ERI3: variants seen among roughly 807,000 people sequenced by gnomAD.
ERI3 encodes the protein ERI1 exoribonuclease family member 3.
A neutral mutation model predicts 44.4 loss-of-function variants in ERI3; 18 were observed. The ratio of observed to expected loss-of-function variants is 0.41; its 90% CI spans 0.28 to 0.60. The LOEUF (loss-of-function observed/expected upper bound fraction) is 0.60. Ranked by LOEUF, ERI3 falls within the 20% of genes least tolerant of loss-of-function variation. The pLI is 0.36. For missense variants in ERI3, 294 were observed against 435.5 expected, an observed-to-expected ratio of 0.68 and a Z score of 2.89; for synonymous variants, 183 against 164.8, an observed-to-expected ratio of 1.11 and a Z score of -0.84.
rs999014006 is a variant in ERI3, at chr1:44,319,718, C to T, written c.516G>A (p.Lys172=). The change falls in exon 4 of 9, where the codon AAG becomes AAA. Residue 172 remains lysine (K), a synonymous_variant. Transcript: ENST00000372257. The part of the protein sequence containing the change: ...PQEIIEFPIL[K]LNGRTMEIES... ...CAATCTCCATGGTCCGGCCATTTAG[C>T]TTTAGGATGGGGAACTCGATGATTT... 1.2e-6 allele frequency: 2 copies of T among 1,614,096 alleles called. No individual in the cohort carries two copies. The highest frequency in any genetic ancestry group is 1.7e-6 in the Non-Finnish European group (2 of 1,179,942).
chr1:44,355,245 A>G lies in ERI3; in HGVS notation c.-219T>C, dbSNP rs1182653357. ...GCGGCAGCCAGCACCACGAGTCCACAACACACCGACTCACCTCCGCGCACT... is the reference window on the plus strand; with the variant it reads ...GCGGCAGCCAGCACCACGAGTCCACGACACACCGACTCACCTCCGCGCACT... On this transcript the variant is annotated 5_prime_UTR_variant, in exon 1 of 9. Coordinates refer to ENST00000372257, the MANE Select transcript of ERI3 (RefSeq NM_024066.3). 1.7e-6 allele frequency: 2 copies of G among 1,172,400 alleles called. No homozygotes were observed. The highest frequency in any genetic ancestry group is 2.1e-6 in the Non-Finnish European group (2 of 950,194). 72.6% of individuals were successfully genotyped at this position (1,172,400 alleles called of 1,614,324 possible). A position where few individuals can be genotyped will look rare whatever the true frequency, so the allele number is the denominator to read the frequency against.
rs372090718 is a variant in ERI3, at chr1:44,339,340, TAAAAAAAA to T, written c.212-26_212-19del. The stretch of plus-strand genomic sequence containing the variant: ...ATCTAAAACTTAGGGGAGGAAAGTT[TAAAAAAAA>T]AAAAAAAAAAGAAAAGAAAGAAAAA... On this transcript the variant is annotated intron_variant, in intron 2 of 8. Coordinates refer to ENST00000372257, the MANE Select transcript of ERI3 (RefSeq NM_024066.3). 18 of 976,762 alleles carry T rather than the reference TAAAAAAAA, an allele frequency of 1.8e-5. No homozygotes were observed. The African/African-American group carries it at 2.9e-4, about 16-fold the overall frequency. 60.5% of individuals were successfully genotyped at this position (976,762 alleles called of 1,614,324 possible). A position where few individuals can be genotyped will look rare whatever the true frequency, so the allele number is the denominator to read the frequency against.
chr1:44,333,989 G>A (rs757815769), intron 3 of ERI3, among the ~76,000 whole-genome samples: 6 of 152,164 alleles, frequency 3.9e-5, no homozygotes, highest in East Asian at 3.8e-4. Flanking sequence ...AACCCCAAAC[G>A]TCATTTTTCT....
intron 2 of ERI3, among the ~76,000 whole-genome samples, chr1:44,345,831 A>G (rs989065650): frequency 7.2e-5 from 11 of 152,232 alleles, no homozygotes; most frequent in African/African-American, 2.7e-4. Context: ...AAATGAGATT[A>G]GAAAGAGAAA....
At chr1:44,322,815 C>A in intron 3 of ERI3, 1 of 1,550,174 alleles carries the variant, frequency 6.5e-7, no homozygotes, top group Non-Finnish European at 8.7e-7. Context: ...GTGCCCCAAT[C>A]TGCACCAAGT....
At chr1:44,308,824 A>G (rs1216014622) in intron 5 of ERI3, among the ~76,000 whole-genome samples, 2 of 152,146 alleles carry the variant, frequency 1.3e-5, no homozygotes, top group African/African-American at 4.8e-5. Context: ...TCATTCATTT[A>G]TTTGTTTTAC....
intron 3 of ERI3, among the ~76,000 whole-genome samples, chr1:44,328,847 G>C (rs562736437): frequency 6.6e-6 from 1 of 152,090 alleles, no homozygotes; most frequent in Non-Finnish European, 1.5e-5. Flanking sequence ...TTAAGCACCC[G>C]AGTCAAGCCC....
chr1:44,250,552 C>T lies in ERI3; in HGVS notation c.832-2514G>A, dbSNP rs995678649. Among the ~76,000 whole-genome samples the T allele has an allele frequency of 3.9e-5, 6 of 152,302 alleles. 1 individual carries two copies. The South Asian group carries it at 1.2e-3, about 32-fold the overall frequency. On this transcript the variant is annotated intron_variant, in intron 7 of 8. Transcript: ENST00000372257. ...GCGAAGGTGCCAGGAAAGGAGGCAA[C>T]CCGGTCCCGCCTGACAGATGCCTTT...
chr1:44,314,405 A>G lies in ERI3; in HGVS notation c.607-1177T>C, dbSNP rs538034880. Among the ~76,000 whole-genome samples the G allele has an allele frequency of 5.3e-5, 8 of 152,290 alleles. No homozygotes were observed. In the South Asian group the frequency reaches 1.5e-3, roughly 28 times the overall value. On this transcript the variant is annotated intron_variant, in intron 4 of 8. Coordinates refer to ENST00000372257, the MANE Select transcript of ERI3 (RefSeq NM_024066.3). ...GGAAGTGTAAGGACACAGCCACTCT[A>G]TTTTATATTCCAGAAACTGTTTTTA...
rs187205187 is a variant in ERI3, at chr1:44,333,452, A to G, written c.489+5593T>C. ...CATCCCTCCCCACTGGAGGAGCTAC[A>G]ACCAGGACAAGCACATGGGAAGGGA... is the stretch of plus-strand genomic sequence containing the variant. On this transcript the variant is annotated intron_variant, in intron 3 of 8. Coordinates refer to ENST00000372257, the MANE Select transcript of ERI3 (RefSeq NM_024066.3). Among the ~76,000 whole-genome samples, 4 of 152,330 alleles carry G rather than the reference A, an allele frequency of 2.6e-5. 1 individual carries two copies. In the East Asian group the frequency reaches 7.7e-4, roughly 29 times the overall value.
chr1:44,303,963 C>G (rs1031935825), intron 6 of ERI3, among the ~76,000 whole-genome samples: 7 of 152,124 alleles, frequency 4.6e-5, no homozygotes, highest in Non-Finnish European at 1.0e-4. Context: ...TCTGAGAAAC[C>G]TCTGGGAGGC....
At chr1:44,277,105 T>TC (rs1645194320) in intron 7 of ERI3, among the ~76,000 whole-genome samples, 1 of 152,198 alleles carries the variant, frequency 6.6e-6, no homozygotes. Context: ...CTCATCTGTT[T>TC]CACACAGAAA....
chr1:44,228,080 C>T lies in ERI3; in HGVS notation c.932-6440G>A, dbSNP rs368713732. Among the ~76,000 whole-genome samples, 34 of 151,892 alleles carry T rather than the reference C, an allele frequency of 2.2e-4. No individual in the cohort carries two copies. Among genetic ancestry groups the T allele is most frequent in the African/African-American group, 5.8e-4 (24 of 41,318 alleles). Reference sequence around the variant, plus strand: ...CAGACATGGCCTACACAGTCCCCTGCGCCCCCATTCACGGCCACCTTGGCC... The same window carrying T: ...CAGACATGGCCTACACAGTCCCCTGTGCCCCCATTCACGGCCACCTTGGCC... On this transcript the variant is annotated intron_variant, in intron 8 of 8. Coordinates refer to ENST00000372257, the MANE Select transcript of ERI3 (RefSeq NM_024066.3). The surrounding 1 kb of genome is among the most constrained non-coding windows in gnomAD (Gnocchi z 4.3).
intron 2 of ERI3, among the ~76,000 whole-genome samples, chr1:44,346,342 C>G (rs150483120): frequency 2.9e-4 from 44 of 152,368 alleles, no homozygotes; most frequent in African/African-American, 1.0e-3. Flanking sequence ...TCCCCTTCAA[C>G]TGGTCTGTTT....
chr1:44,266,949 C>T (rs1017926172), intron 7 of ERI3, among the ~76,000 whole-genome samples: 6 of 152,294 alleles, frequency 3.9e-5, no homozygotes, highest in Non-Finnish European at 7.4e-5. Flanking sequence ...TAGATAGGCT[C>T]GTCCTGAACA....
intron 7 of ERI3, among the ~76,000 whole-genome samples, chr1:44,262,189 C>T (rs1010241048): frequency 6.6e-6 from 1 of 152,138 alleles, no homozygotes; most frequent in South Asian, 2.1e-4. Flanking sequence ...CCCACTGGGC[C>T]CAGCCCCACC....
chr1:44,346,830 T>C (rs902222339), intron 2 of ERI3, among the ~76,000 whole-genome samples: 5 of 152,140 alleles, frequency 3.3e-5, no homozygotes, highest in African/African-American at 1.2e-4. Context: ...ACCTATGTCT[T>C]TGGGATTCAA....
intron 8 of ERI3, among the ~76,000 whole-genome samples, chr1:44,240,810 G>C (rs1233072730): frequency 6.6e-6 from 1 of 152,116 alleles, no homozygotes; most frequent in Non-Finnish European, 1.5e-5. Flanking sequence ...AGGATGGGAG[G>C]AGCTAAGAGG....
chr1:44,331,662 T>C (rs1437979344), intron 3 of ERI3, among the ~76,000 whole-genome samples: 1 of 152,196 alleles, frequency 6.6e-6, no homozygotes, highest in African/African-American at 2.4e-5. Context: ...ACTTGCCAGG[T>C]TCAAAGTCTT....
Sources: allele counts gnomAD v4.1 joint callset (sites outside exome capture counted in the v4.1 genomes callset), GRCh38; gene constraint gnomAD v4.1.1; non-coding constraint Gnocchi (gnomAD v3.1); transcripts MANE v1.5; gene names NCBI Gene and HGNC (gene_info 2026-07-23, HGNC 2026-07-21).